Variants in SMPD3 observed in about 807,000 individuals in gnomAD.
SMPD3 encodes nSMase-2.
A neutral mutation model predicts 55.7 loss-of-function variants in SMPD3; 21 were observed. The ratio of observed to expected loss-of-function variants is 0.38; its 90% CI spans 0.27 to 0.54. The LOEUF (loss-of-function observed/expected upper bound fraction) is 0.54, where lower values mean the gene tolerates loss of function less well. Ranked by LOEUF, SMPD3 falls within the 20% of genes least tolerant of loss-of-function variation. The probability of loss-of-function intolerance (pLI) is 0.80; values close to 1 mark genes in which losing one functional copy is unlikely to be tolerated. For missense variants in SMPD3, 842 were observed against 899.6 expected (o/e 0.94, Z 0.82); for synonymous variants, 457 against 404.3 (o/e 1.13, Z -1.56).
chr16:68,435,037 A>T (rs1340465834), intron 1 of SMPD3, among the ~76,000 whole-genome samples: 1 of 152,182 alleles, frequency 6.6e-6, no homozygotes, highest in Non-Finnish European at 1.5e-5. Flanking sequence ...GTGTTTGGCA[A>T]TGGTGGGTGG....
At chr16:68,387,544 C>T (rs897877971) in intron 1 of SMPD3, among the ~76,000 whole-genome samples, 31 of 152,320 alleles carry the variant, frequency 2.0e-4, no homozygotes, top group South Asian at 1.7e-3. Context: ...TCTCTGAGCC[C>T]GTTGGCCCAG....
intron 1 of SMPD3, among the ~76,000 whole-genome samples, chr16:68,444,348 A>AT (rs2090592984): frequency 2.0e-5 from 3 of 152,324 alleles, no homozygotes; most frequent in South Asian, 4.2e-4. Context: ...TAGTGCAGTG[A>AT]TTTAGGAATA....
chr16:68,393,695 T>C (rs2090131872), intron 1 of SMPD3, among the ~76,000 whole-genome samples: 1 of 152,224 alleles, frequency 6.6e-6, no homozygotes, highest in Non-Finnish European at 1.5e-5. Context: ...TATTCTTTCT[T>C]TCTTCTTCAA....
chr16:68,413,823 T>A (rs1269432391), intron 1 of SMPD3, among the ~76,000 whole-genome samples: 1 of 152,200 alleles, frequency 6.6e-6, no homozygotes, highest in Non-Finnish European at 1.5e-5. Context: ...TGGATCAGAA[T>A]CCCTGACCAG....
At chr16:68,445,396 C>G (rs1290312538) in intron 1 of SMPD3, among the ~76,000 whole-genome samples, 1 of 152,174 alleles carries the variant, frequency 6.6e-6, no homozygotes, top group Non-Finnish European at 1.5e-5. Context: ...TGGTCAGAAA[C>G]TTGAACAAAG....
intron 1 of SMPD3, among the ~76,000 whole-genome samples, chr16:68,430,829 G>A (rs1251632173): frequency 2.6e-5 from 4 of 152,174 alleles, no homozygotes; most frequent in African/African-American, 9.7e-5. Flanking sequence ...ATTAATGTTA[G>A]ATCCATCTCC....
chr16:68,363,950 T>A, intron 5 of SMPD3, 84 bp from the exon 6 acceptor site: 1 of 1,268,248 alleles, frequency 7.9e-7, no homozygotes, highest in South Asian at 1.3e-5. Context: ...CATCAGTTAC[T>A]CCCCATGTGC....
chr16:68,377,585 AG>A (rs1399401001), intron 2 of SMPD3, among the ~76,000 whole-genome samples: 2 of 152,172 alleles, frequency 1.3e-5, no homozygotes, highest in African/African-American at 2.4e-5. Context: ...CACTGGCCTG[AG>A]GGCTCAGGGG....
At chr16:68,378,551 C>G (rs1265481593) in intron 2 of SMPD3, among the ~76,000 whole-genome samples, 13 of 152,106 alleles carry the variant, frequency 8.5e-5, no homozygotes. Context: ...TCCCTGCAGT[C>G]CTCCCTGACC....
chr16:68,372,608 T>C (rs1456598671), intron 2 of SMPD3, among the ~76,000 whole-genome samples: 2 of 152,162 alleles, frequency 1.3e-5, no homozygotes, highest in Non-Finnish European at 2.9e-5. Flanking sequence ...AATAGCTTGG[T>C]GATATGACTG....
At chr16:68,406,127 G>C (rs2090253234) in intron 1 of SMPD3, among the ~76,000 whole-genome samples, 1 of 151,526 alleles carries the variant, frequency 6.6e-6, no homozygotes, top group Admixed American at 6.5e-5. Flanking sequence ...CCGTGGGGCT[G>C]TTTGATGATT....
intron 5 of SMPD3, 31 bp downstream of exon 5, chr16:68,364,720 G>T: frequency 6.3e-7 from 1 of 1,595,182 alleles, no homozygotes; most frequent in Non-Finnish European, 8.6e-7. Context: ...CCCAGAGCTG[G>T]AGACCTGAGT....
At chr16:68,440,502 G>C (rs1383127645) in intron 1 of SMPD3, among the ~76,000 whole-genome samples, 1 of 152,174 alleles carries the variant, frequency 6.6e-6, no homozygotes. Context: ...CGCTTGGCCT[G>C]AACTGCAAAT....
At chr16:68,374,757 G>A (rs1050379312) in intron 2 of SMPD3, among the ~76,000 whole-genome samples, 1 of 152,194 alleles carries the variant, frequency 6.6e-6, no homozygotes, top group African/African-American at 2.4e-5. Flanking sequence ...CCCTCATTGT[G>A]TGGAGCCGGC....
chr16:68,365,004 G>C lies in SMPD3; in HGVS notation c.1399+13C>G, dbSNP rs780891935. The C allele has an allele frequency of 6.2e-7, 1 of 1,614,114 alleles. No homozygotes were observed. The highest frequency in any genetic ancestry group is 2.2e-5 in the East Asian group (1 of 44,880). The stretch of plus-strand genomic sequence containing the variant: ...CCATGCCTAGAAAAAACACAGGTGG[G>C]CGGCAACCCTACCTTGCGGGGCATG... On this transcript the variant is annotated intron_variant, in intron 4 of 8. Transcript: ENST00000219334.
chr16:68,430,216 C>T (rs1476364404), intron 1 of SMPD3, among the ~76,000 whole-genome samples: 1 of 151,850 alleles, frequency 6.6e-6, no homozygotes, highest in African/African-American at 2.4e-5. Flanking sequence ...CCTCTTCCCT[C>T]TATGCCCCCT....
chr16:68,406,018 C>G (rs1457776854), intron 1 of SMPD3, among the ~76,000 whole-genome samples: 1 of 152,170 alleles, frequency 6.6e-6, no homozygotes, highest in Non-Finnish European at 1.5e-5. Flanking sequence ...CACCCTTAGC[C>G]CTCCCTGCTT....
Position 68,371,954 on chromosome 16 carries a change from G to C in SMPD3, c.228C>G (p.Pro76=). 6.2e-7 allele frequency: 1 copy of C among 1,612,234 alleles called. No individual in the cohort carries two copies. Among genetic ancestry groups the C allele is most frequent in the Non-Finnish European group, 8.5e-7 (1 of 1,179,650 alleles). Residue 76 remains proline, a synonymous_variant, in exon 3 of 9, where the codon CCC becomes CCG. Coordinates refer to ENST00000219334, the MANE Select transcript of SMPD3 (RefSeq NM_018667.4). ...AGAAGAGAAAGCCGAGAAACGCAAA[G>C]GGCAGCGAGGCCACCAGGAGGGCCA... ...IYLALLVASL[P]FAFLGFLFWS...
intron 1 of SMPD3, among the ~76,000 whole-genome samples, chr16:68,422,596 C>T (rs1196232339): frequency 6.6e-6 from 1 of 152,160 alleles, no homozygotes; most frequent in Non-Finnish European, 1.5e-5. Context: ...AAGAATTCCA[C>T]CTCCCACTGA....
Sources: gnomAD v4.1 joint callset for allele counts (sites outside exome capture counted in the v4.1 genomes callset) on GRCh38, gnomAD v4.1.1 for gene constraint, MANE v1.5 for transcripts, NCBI Gene and HGNC (gene_info 2026-07-23, HGNC 2026-07-21) for gene names.